Variants in SNTG1 observed in about 807,000 individuals in gnomAD.
SNTG1 encodes gamma-1-syntrophin.
SNTG1 carries 39 observed loss-of-function variants against 74.7 expected under a neutral mutation model. That is an observed-to-expected ratio of 0.52 (90% CI 0.40 to 0.68). SNTG1 has a LOEUF of 0.68. Among genes scored for constraint, SNTG1 ranks in the 30% least tolerant of loss-of-function variants. The probability of loss-of-function intolerance (pLI) is 0.00; values close to 1 mark genes in which losing one functional copy is unlikely to be tolerated. For synonymous variants in SNTG1, 254 were observed against 217.1 expected, an observed-to-expected ratio of 1.17 and a Z score of -1.49; for missense variants, 685 against 609.5, an observed-to-expected ratio of 1.12 and a Z score of -1.30.
intron 1 of SNTG1, among the ~76,000 whole-genome samples, chr8:50,027,571 TGCTGCCAGCCAGGG>T (rs1180085888): frequency 6.6e-6 from 1 of 152,202 alleles, no homozygotes. Flanking sequence ...GGAGTGATGC[TGCTGCCAGCCAGGG>T]GCTGCTGACC....
chr8:50,533,878 G>A (rs998030002), intron 10 of SNTG1, among the ~76,000 whole-genome samples: 3 of 152,182 alleles, frequency 2.0e-5, no homozygotes, highest in African/African-American at 7.2e-5. Context: ...GAAGTGTATT[G>A]ATAAGATTTG....
At chr8:50,241,285 T>C (rs904693906) in intron 2 of SNTG1, among the ~76,000 whole-genome samples, 2 of 152,200 alleles carry the variant, frequency 1.3e-5, no homozygotes, top group Non-Finnish European at 2.9e-5. Flanking sequence ...TAAAGTCAAA[T>C]ATATAGAAAG....
chr8:50,309,832 A>C (rs2090038534), intron 2 of SNTG1, among the ~76,000 whole-genome samples: 1 of 152,232 alleles, frequency 6.6e-6, no homozygotes, highest in Non-Finnish European at 1.5e-5. Flanking sequence ...GTATCAAAAA[A>C]AACCTTTTTA....
chr8:50,637,008 C>A (rs1223179310), intron 13 of SNTG1, among the ~76,000 whole-genome samples: 2 of 152,116 alleles, frequency 1.3e-5, no homozygotes, highest in Non-Finnish European at 2.9e-5. Flanking sequence ...CTTCCAGGGT[C>A]TTTTTGTCAA....
At chr8:50,539,558 T>C (rs1444972923) in intron 11 of SNTG1, among the ~76,000 whole-genome samples, 2 of 152,166 alleles carry the variant, frequency 1.3e-5, no homozygotes, top group African/African-American at 4.8e-5. Flanking sequence ...CTCATTCCAC[T>C]GCGGTGATGA....
intron 2 of SNTG1, among the ~76,000 whole-genome samples, chr8:50,217,977 G>A (rs2084877578): frequency 6.6e-6 from 1 of 152,110 alleles, no homozygotes; most frequent in East Asian, 1.9e-4. Context: ...TCTGCTCTGT[G>A]AATAAAATCA....
chr8:50,595,326 G>T (rs567924697), intron 13 of SNTG1, among the ~76,000 whole-genome samples: 13 of 152,020 alleles, frequency 8.6e-5, no homozygotes, highest in Middle Eastern at 3.4e-3. Flanking sequence ...TAATGTGTCT[G>T]TATAAATTAA....
rs1328125365 is a variant in SNTG1, at chr8:50,502,865, A to G, written c.451A>G (p.Asn151Asp). 6.2e-7 allele frequency: 1 copy of G among 1,612,782 alleles called. No individual in the cohort carries two copies. Among genetic ancestry groups the G allele is most frequent in the Non-Finnish European group, 8.5e-7 (1 of 1,179,110 alleles). Residue 151 changes from asparagine to aspartate, a missense_variant, in exon 9 of 19, where the codon AAT (asparagine) becomes GAT (aspartate). Physicochemically the swap from Asn to Asp is conservative, Grantham distance 23 (BLOSUM62 1). Coordinates refer to ENST00000642720, the MANE Select transcript of SNTG1 (RefSeq NM_018967.5). ...RAPAFLKLPL[N>D]EDCACAPSDQ... ...ACCTGCTTTCCTCAAACTCCCATTG[A>G]ATGAAGATTGTGCATGTAAGCATTT...
At chr8:50,217,497 T>C (rs1192887237) in intron 2 of SNTG1, among the ~76,000 whole-genome samples, 1 of 152,148 alleles carries the variant, frequency 6.6e-6, no homozygotes, top group Non-Finnish European at 1.5e-5. Context: ...TGTAATGTTC[T>C]TACCTTAAGT....
At chr8:50,198,376 T>G (rs1210879695) in intron 2 of SNTG1, among the ~76,000 whole-genome samples, 1 of 152,194 alleles carries the variant, frequency 6.6e-6, no homozygotes, top group East Asian at 1.9e-4. Context: ...TTTGAGTTGC[T>G]GATTATTTCT....
chr8:50,258,286 A>G (rs2086981000), intron 2 of SNTG1, among the ~76,000 whole-genome samples: 2 of 152,240 alleles, frequency 1.3e-5, no homozygotes, highest in African/African-American at 4.8e-5. Flanking sequence ...TGAGAGTAGG[A>G]AATATTATAT....
intron 1 of SNTG1, among the ~76,000 whole-genome samples, chr8:50,103,154 A>G (rs1278560706): frequency 6.6e-6 from 1 of 152,254 alleles, no homozygotes; most frequent in Non-Finnish European, 1.5e-5. Context: ...CTTGGGCCGT[A>G]TGGCCATTTT....
chr8:50,693,503 G>C (rs2095391344), intron 15 of SNTG1, among the ~76,000 whole-genome samples: 1 of 152,118 alleles, frequency 6.6e-6, no homozygotes, highest in African/African-American at 2.4e-5. Flanking sequence ...GACCTGAAAA[G>C]AGAAATGAAT....
chr8:50,107,320 A>G (rs1195950341), intron 1 of SNTG1, among the ~76,000 whole-genome samples: 1 of 152,190 alleles, frequency 6.6e-6, no homozygotes, highest in African/African-American at 2.4e-5. Context: ...AATATTGGCA[A>G]CATAGACAGA....
At chr8:50,632,969 T>G (rs1465656854) in intron 13 of SNTG1, among the ~76,000 whole-genome samples, 2 of 152,172 alleles carry the variant, frequency 1.3e-5, no homozygotes, top group Non-Finnish European at 2.9e-5. Context: ...CTCAGACCTT[T>G]CATGGCCTAT....
At chr8:50,150,487 T>G (rs1390307538) in intron 1 of SNTG1, among the ~76,000 whole-genome samples, 9 of 152,220 alleles carry the variant, frequency 5.9e-5, no homozygotes, top group African/African-American at 2.2e-4. Context: ...TCAAAGGGAA[T>G]GCTTCCAGTT....
rs10108552 is a variant in SNTG1, at chr8:50,183,062, A to G, written c.-28+10427A>G. ...TTGCCCCAACTGACTGTAACGCCTA[A>G]TCTGACCCATTCTGTTACCTTGCTC... On this transcript the variant is annotated intron_variant, in intron 2 of 18. Transcript: ENST00000642720. Among the ~76,000 whole-genome samples the G allele has an allele frequency of 8.1e-3, 1,240 of 152,158 alleles. 20 individuals are homozygous for G. Among genetic ancestry groups the G allele is most frequent in the African/African-American group, 0.029 (1,194 of 41,526 alleles).
At chr8:50,772,510 G>A (rs992616251) in intron 18 of SNTG1, among the ~76,000 whole-genome samples, 1 of 152,136 alleles carries the variant, frequency 6.6e-6, no homozygotes, top group South Asian at 2.1e-4. Flanking sequence ...TAACTACAAG[G>A]AACTTGCCCT....
At chr8:50,156,036 T>C (rs915784510) in intron 1 of SNTG1, among the ~76,000 whole-genome samples, 1 of 152,122 alleles carries the variant, frequency 6.6e-6, no homozygotes, top group African/African-American at 2.4e-5. Context: ...TGAAAACTTT[T>C]ATTGAAAAAT....
Sources: allele counts gnomAD v4.1 joint callset (sites outside exome capture counted in the v4.1 genomes callset), GRCh38; gene constraint gnomAD v4.1.1; transcripts MANE v1.5; gene names NCBI Gene and HGNC (gene_info 2026-07-23, HGNC 2026-07-21).